Variants in BBOX1 observed in about 807,000 individuals in gnomAD.
BBOX1 encodes the protein gamma-butyrobetaine hydroxylase 1.
Under a neutral mutation model 41.6 loss-of-function variants are expected in BBOX1, and 35 were observed. The observed-to-expected ratio is 0.84, with a 90% CI of 0.64 to 1.11. The LOEUF (loss-of-function observed/expected upper bound fraction) is 1.11. BBOX1 is among the 50% of genes most tolerant of loss of function. The pLI, the probability that BBOX1 is intolerant of heterozygous loss-of-function variation, is 0.00. For synonymous variants in BBOX1, 163 were observed against 154.7 expected (o/e 1.05, Z -0.40); for missense variants, 458 against 460.6 (o/e 0.99, Z 0.05).
At chr11:27,121,410 T>C (rs946840916) in intron 7 of BBOX1, among the ~76,000 whole-genome samples, 1 of 152,164 alleles carries the variant, frequency 6.6e-6, no homozygotes, top group African/African-American at 2.4e-5. Context: ...TTGATATTTA[T>C]GTAAATTTAG....
intron 5 of BBOX1, among the ~76,000 whole-genome samples, chr11:27,111,894 G>T (rs1471761449): frequency 6.6e-6 from 1 of 151,856 alleles, no homozygotes; most frequent in African/African-American, 2.4e-5. Context: ...TATCAGTTTG[G>T]TATTTCATTG....
At chr11:27,081,693 T>C (rs1180185229) in intron 4 of BBOX1, among the ~76,000 whole-genome samples, 1 of 152,190 alleles carries the variant, frequency 6.6e-6, no homozygotes, top group Non-Finnish European at 1.5e-5. Flanking sequence ...GCATTCTGAT[T>C]TCTCCACATC....
At chr11:27,082,635 C>T (rs1857886830) in intron 4 of BBOX1, among the ~76,000 whole-genome samples, 1 of 152,096 alleles carries the variant, frequency 6.6e-6, no homozygotes, top group South Asian at 2.1e-4. Context: ...TTGTGCCTTT[C>T]TCCTCATCAA....
intron 4 of BBOX1, among the ~76,000 whole-genome samples, chr11:27,078,397 G>T (rs554458051): frequency 1.3e-5 from 2 of 151,806 alleles, no homozygotes; most frequent in African/African-American, 4.8e-5. Context: ...ATGTATACAT[G>T]TACCATAGTG....
In BBOX1 at chr11:27,085,575, CT is replaced by C. The variant is rs535621718; in HGVS notation, c.335-7592del. ...CCCCCATCTCTCTCTCTCTCTCTCT[CT>C]CTCTCTCTCTCTCTCTCTCTGGGCC... is the stretch of plus-strand genomic sequence containing the variant. On this transcript the variant is annotated intron_variant, in intron 4 of 8. Coordinates refer to ENST00000263182, the MANE Select transcript of BBOX1 (RefSeq NM_003986.3). Among the ~76,000 whole-genome samples the C allele has an allele frequency of 3.2e-3, 483 of 151,930 alleles. 2 individuals are homozygous for C. The highest frequency in any genetic ancestry group is 5.1e-3 in the Non-Finnish European group (344 of 67,914).
intron 5 of BBOX1, among the ~76,000 whole-genome samples, chr11:27,109,627 G>A (rs1020356346): frequency 6.6e-6 from 1 of 152,056 alleles, no homozygotes; most frequent in African/African-American, 2.4e-5. Context: ...TAGAATAAAT[G>A]ACTCAAATAT....
intron 4 of BBOX1, 37 bp downstream of exon 4, chr11:27,057,352 C>A (rs1477154702): frequency 3.4e-6 from 5 of 1,485,730 alleles, no homozygotes; most frequent in African/African-American, 2.8e-5. Context: ...TTTTTAAACC[C>A]TTACAGTAAA....
At chr11:27,074,781 C>T (rs1324295569) in intron 4 of BBOX1, among the ~76,000 whole-genome samples, 1 of 152,180 alleles carries the variant, frequency 6.6e-6, no homozygotes, top group African/African-American at 2.4e-5. Context: ...GAAAACTTTG[C>T]AGTCATGAAA....
chr11:27,045,091 T>C (rs1389968495), intron 2 of BBOX1, among the ~76,000 whole-genome samples: 1 of 152,198 alleles, frequency 6.6e-6, no homozygotes, highest in Admixed American at 6.5e-5. Flanking sequence ...GTTTGTGTCC[T>C]CTCTTATTTC....
intron 4 of BBOX1, among the ~76,000 whole-genome samples, chr11:27,072,605 A>T (rs529795455): frequency 6.6e-6 from 1 of 152,314 alleles, no homozygotes; most frequent in East Asian, 1.9e-4. Flanking sequence ...AAGAGCCCAC[A>T]TTGCCAAGTC....
At chr11:27,043,787 G>A (rs1288067633) in intron 2 of BBOX1, among the ~76,000 whole-genome samples, 1 of 152,084 alleles carries the variant, frequency 6.6e-6, no homozygotes, top group Admixed American at 6.5e-5. Flanking sequence ...CCTTTTTTAT[G>A]GCTGCATAGT....
chr11:27,058,704 G>A (rs1270639132), intron 4 of BBOX1, among the ~76,000 whole-genome samples: 1 of 152,174 alleles, frequency 6.6e-6, no homozygotes, highest in Non-Finnish European at 1.5e-5. Flanking sequence ...CTAGGGATAT[G>A]TGGAAGTTTG....
chr11:27,101,255 G>T (rs1251019947), intron 5 of BBOX1, among the ~76,000 whole-genome samples: 1 of 152,036 alleles, frequency 6.6e-6, no homozygotes, highest in Non-Finnish European at 1.5e-5. Flanking sequence ...AAATTAAGTA[G>T]AATGACAGCA....
At chr11:27,066,692 A>G (rs1229134039) in intron 4 of BBOX1, 1 of 151,932 alleles carries the variant, frequency 6.6e-6, no homozygotes, top group South Asian at 2.1e-4. Context: ...AAAAAAAGAA[A>G]AAAAACCATT....
intron 4 of BBOX1, 53 bp downstream of exon 4, chr11:27,057,368 T>C: frequency 7.1e-7 from 1 of 1,399,482 alleles, no homozygotes; most frequent in Non-Finnish European, 9.9e-7. Flanking sequence ...GTAAAGGATT[T>C]TTATTAAGAA....
chr11:27,093,165 C>T lies in BBOX1; in HGVS notation c.335-3C>T, dbSNP rs761052033. On this transcript the variant is annotated splice_region_variant and splice_polypyrimidine_tract_variant and intron_variant, in intron 4 of 8. Transcript: ENST00000263182. ...CTGATTTCTTCATTTTATCAATTCA[C>T]AGAATGCCAATACTGGGGCTCAGAG... 2 of 1,611,346 alleles carry T rather than the reference C, an allele frequency of 1.2e-6. No individual in the cohort carries two copies. The highest frequency in any genetic ancestry group is 3.3e-5 in the Admixed American group (2 of 59,782).
intron 4 of BBOX1, among the ~76,000 whole-genome samples, chr11:27,076,024 G>A (rs773013210): frequency 6.6e-6 from 1 of 152,200 alleles, no homozygotes; most frequent in Non-Finnish European, 1.5e-5. Context: ...GGGACTCAAG[G>A]CCTGCCATCC....
intron 7 of BBOX1, among the ~76,000 whole-genome samples, chr11:27,122,314 C>G (rs1016576299): frequency 6.6e-6 from 1 of 152,024 alleles, no homozygotes; most frequent in African/African-American, 2.4e-5. Flanking sequence ...TGTGTAATCT[C>G]TCATGTGATT....
chr11:27,072,363 G>C (rs570873334), intron 4 of BBOX1, among the ~76,000 whole-genome samples: 2 of 152,122 alleles, frequency 1.3e-5, no homozygotes, highest in South Asian at 4.1e-4. Context: ...CCAACTTACA[G>C]GGGACGTGAA....
Sources: gnomAD v4.1 joint callset for allele counts (sites outside exome capture counted in the v4.1 genomes callset) on GRCh38, gnomAD v4.1.1 for gene constraint, MANE v1.5 for transcripts, NCBI Gene and HGNC (gene_info 2026-07-23, HGNC 2026-07-21) for gene names.